Variants in TP63 observed in about 807,000 individuals in gnomAD.
The protein encoded by TP63 is tumor protein p63, also known as tumor protein 63.
A neutral mutation model predicts 82.8 loss-of-function variants in TP63; 17 were observed. The observed-to-expected ratio is 0.21, with a 90% CI of 0.14 to 0.31. TP63 has a LOEUF of 0.31. Among genes scored for constraint, TP63 ranks in the 10% least tolerant of loss-of-function variants. The probability of loss-of-function intolerance (pLI) is 1.00; values close to 1 mark genes in which losing one functional copy is unlikely to be tolerated. For synonymous variants in TP63, 330 were observed against 321.7 expected (o/e 1.03, Z -0.28); for missense variants, 648 against 895.3 (o/e 0.72, Z 3.52).
intron 13 of TP63, 31 bp from the exon 14 acceptor site, chr3:189,894,175 A>C (rs2108872629): frequency 6.2e-7 from 1 of 1,613,956 alleles, no homozygotes; most frequent in Non-Finnish European, 8.5e-7. Flanking sequence ...CCCTGTTTTC[A>C]TTCTCCATGA....
chr3:189,623,914 A>G, the TP63 span, among the ~76,000 whole-genome samples: 1 of 152,176 alleles, frequency 6.6e-6, no homozygotes, highest in Non-Finnish European at 1.5e-5. Context: ...AGTCAAAGCT[A>G]TTATTGTGGG....
In TP63 at chr3:189,797,379, G is replaced by C. The variant is rs541256441; in HGVS notation, c.325-10893G>C. Among the ~76,000 whole-genome samples the C allele has an allele frequency of 2.0e-5, 3 of 152,178 alleles. No individual in the cohort carries two copies. In the East Asian group the frequency reaches 5.8e-4, roughly 29 times the overall value. Reference sequence around the variant, plus strand: ...GTGAGCTTGCCTTGGAAGGAACTCTGTACAGGCATTTTCTTTTTCCTTTTA... The same window carrying C: ...GTGAGCTTGCCTTGGAAGGAACTCTCTACAGGCATTTTCTTTTTCCTTTTA... On this transcript the variant is annotated intron_variant, in intron 3 of 13. Coordinates refer to ENST00000264731, the MANE Select transcript of TP63 (RefSeq NM_003722.5).
At chr3:189,638,372 C>T (rs1041533912) in intron 1 of TP63, among the ~76,000 whole-genome samples, 2 of 152,018 alleles carry the variant, frequency 1.3e-5, no homozygotes, top group Middle Eastern at 3.2e-3. Context: ...GGTAAAAGTA[C>T]TTGTATAGAA....
Position 189,869,313 on chromosome 3 carries a change from T to C in TP63, c.1130-11T>C. 6.2e-7 allele frequency: 1 copy of C among 1,613,934 alleles called. No homozygotes were observed. The highest frequency in any genetic ancestry group is 8.5e-7 in the Non-Finnish European group (1 of 1,179,834). On this transcript the variant is annotated splice_polypyrimidine_tract_variant and intron_variant, in intron 8 of 13. Coordinates refer to ENST00000264731, the MANE Select transcript of TP63 (RefSeq NM_003722.5). ...GTTCCCAGGATGAAACTTGCATTTT[T>C]CCTCCACCAGCGTTTCGTCAGAACA...
chr3:189,787,078 T>C (rs1376330161), intron 3 of TP63, among the ~76,000 whole-genome samples: 7 of 152,100 alleles, frequency 4.6e-5, no homozygotes, highest in Admixed American at 3.9e-4. Context: ...CAAATCTACA[T>C]GAACTATTAG....
intron 1 of TP63, among the ~76,000 whole-genome samples, chr3:189,676,250 A>C (rs1715386832): frequency 6.6e-6 from 1 of 152,058 alleles, no homozygotes; most frequent in South Asian, 2.1e-4. Context: ...GCTGTACATT[A>C]AGTCTCTGGA....
intron 1 of TP63, among the ~76,000 whole-genome samples, chr3:189,726,856 C>T (rs1298211694): frequency 1.3e-5 from 2 of 152,172 alleles, no homozygotes; most frequent in Non-Finnish European, 2.9e-5. Context: ...CTTTAAAGGT[C>T]TTTTATGTAC....
intron 9 of TP63, among the ~76,000 whole-genome samples, 168 bp from the exon 10 acceptor site, chr3:189,872,691 T>A (rs1306164957): frequency 6.6e-6 from 1 of 152,072 alleles, no homozygotes; most frequent in Admixed American, 6.6e-5. Flanking sequence ...TCTGCCCGGG[T>A]CTGAAAGACC....
At chr3:189,817,089 T>C (rs1363004350) in intron 4 of TP63, among the ~76,000 whole-genome samples, 2 of 152,130 alleles carry the variant, frequency 1.3e-5, no homozygotes, top group African/African-American at 4.8e-5. Flanking sequence ...TTGCTAATTG[T>C]GTTAGTACCA....
At chr3:189,864,961 G>T (rs1352631125) in intron 5 of TP63, among the ~76,000 whole-genome samples, 1 of 151,878 alleles carries the variant, frequency 6.6e-6, no homozygotes, top group Non-Finnish European at 1.5e-5. Context: ...GAACCAAGAT[G>T]GCACCACTGC....
At chr3:189,631,599 C>G in intron 1 of TP63, 22 bp downstream of exon 1, 1 of 1,612,586 alleles carries the variant, frequency 6.2e-7, no homozygotes. Context: ...TGTGACATAA[C>G]TTCTCTCAAA....
intron 4 of TP63, among the ~76,000 whole-genome samples, chr3:189,809,520 T>C (rs1278891741): frequency 6.6e-6 from 1 of 150,460 alleles, no homozygotes; most frequent in East Asian, 1.9e-4. Context: ...AACAACTTAA[T>C]CAAGACCAAA....
intron 5 of TP63, among the ~76,000 whole-genome samples, chr3:189,865,916 T>C (rs3773928): frequency 0.45 from 68,431 of 152,110 alleles, 16,357 homozygotes; most frequent in African/African-American, 0.62. Flanking sequence ...CCATAATAGA[T>C]GATGCAGCAG....
At chr3:189,628,651 A>G (rs538340367), upstream of TP63, among the ~76,000 whole-genome samples, 9 of 152,224 alleles carry the variant, frequency 5.9e-5, no homozygotes, top group South Asian at 1.7e-3. Context: ...TTATATTACA[A>G]TTTCTGCCTA....
At chr3:189,682,209 T>TA (rs1351384176) in intron 1 of TP63, among the ~76,000 whole-genome samples, 1 of 151,944 alleles carries the variant, frequency 6.6e-6, no homozygotes, top group East Asian at 1.9e-4. Context: ...AGACCTCAAA[T>TA]AAAAATTAAT....
Position 189,803,381 on chromosome 3 carries a change from A to G in TP63, c.325-4891A>G, listed in dbSNP as rs146373231. Among the ~76,000 whole-genome samples the G allele has an allele frequency of 2.0e-5, 3 of 152,338 alleles. No individual in the cohort carries two copies. In the East Asian group the frequency reaches 5.8e-4, roughly 29 times the overall value. ...AAATTATAGGTAAATACCTATTTCT[A>G]TTGCATTGGTCAAATAGCTTCATTG... On this transcript the variant is annotated intron_variant, in intron 3 of 13. Transcript: ENST00000264731.
At chr3:189,724,128 C>T (rs1719599706) in intron 1 of TP63, among the ~76,000 whole-genome samples, 1 of 149,472 alleles carries the variant, frequency 6.7e-6, no homozygotes, top group Non-Finnish European at 1.5e-5. Flanking sequence ...TATTTTTATA[C>T]TAACCCTTTC....
At chr3:189,684,922 G>A (rs1716313028) in intron 1 of TP63, among the ~76,000 whole-genome samples, 2 of 151,992 alleles carry the variant, frequency 1.3e-5, no homozygotes, top group South Asian at 2.1e-4. Context: ...GTGAACTACC[G>A]TGCCTGGCCA....
chr3:189,860,310 T>A (rs1383812183), intron 4 of TP63, among the ~76,000 whole-genome samples: 1 of 152,164 alleles, frequency 6.6e-6, no homozygotes, highest in Non-Finnish European at 1.5e-5. Flanking sequence ...CAGGGTATTT[T>A]AAAATCTTGC....
Sources: gnomAD v4.1 joint callset for allele counts (sites outside exome capture counted in the v4.1 genomes callset) on GRCh38, gnomAD v4.1.1 for gene constraint, MANE v1.5 for transcripts, NCBI Gene and HGNC (gene_info 2026-07-23, HGNC 2026-07-21) for gene names.